The following EDIL3 variants were observed in gnomAD, a reference collection of about 807,000 sequenced individuals.
The protein encoded by EDIL3 is EGF-like repeat and discoidin I-like domain-containing protein 3.
In EDIL3, 37 loss-of-function variants were observed where a neutral mutation model predicts 67.4. That is an observed-to-expected ratio of 0.55 (90% CI 0.42 to 0.72). EDIL3 has a LOEUF of 0.72. Ranked by LOEUF, EDIL3 falls within the 30% of genes least tolerant of loss-of-function variation. EDIL3 has a pLI of 0.00. For synonymous variants in EDIL3, 195 were observed against 196.3 expected (o/e 0.99, Z 0.05); for missense variants, 527 against 586.3 (o/e 0.90, Z 1.04).
chr5:84,009,994 T>C (rs1004269327), intron 9 of EDIL3, among the ~76,000 whole-genome samples: 13 of 152,200 alleles, frequency 8.5e-5, no homozygotes, highest in African/African-American at 3.1e-4. Flanking sequence ...CTTCCTCACT[T>C]CATAAAGGCT....
intron 6 of EDIL3, among the ~76,000 whole-genome samples, chr5:84,101,866 A>G (rs1019834532): frequency 3.9e-5 from 6 of 152,108 alleles, no homozygotes; most frequent in African/African-American, 1.2e-4. Context: ...AGACAAAACA[A>G]AAACAGAAAA....
chr5:84,347,496 C>A (rs1390095756), intron 1 of EDIL3, among the ~76,000 whole-genome samples: 1 of 152,142 alleles, frequency 6.6e-6, no homozygotes. Context: ...TATTGAACTT[C>A]TTAACATAAA....
At chr5:84,014,066 T>C (rs946582557) in intron 9 of EDIL3, among the ~76,000 whole-genome samples, 6 of 152,198 alleles carry the variant, frequency 3.9e-5, no homozygotes, top group African/African-American at 1.4e-4. Flanking sequence ...TTCTATAAAC[T>C]TACTCCTATG....
intron 1 of EDIL3, among the ~76,000 whole-genome samples, chr5:84,374,973 T>C (rs1404545017): frequency 6.6e-6 from 1 of 151,754 alleles, no homozygotes; most frequent in Non-Finnish European, 1.5e-5. Context: ...TATTTCTTTT[T>C]TTTTTTTTTC....
At chr5:84,209,878 T>A (rs1354101306) in intron 3 of EDIL3, among the ~76,000 whole-genome samples, 2 of 152,210 alleles carry the variant, frequency 1.3e-5, no homozygotes, top group African/African-American at 2.4e-5. Context: ...ATTAAGTTAC[T>A]AAACATGATG....
intron 4 of EDIL3, among the ~76,000 whole-genome samples, chr5:84,148,820 A>T (rs2112327719): frequency 6.6e-6 from 1 of 152,166 alleles, no homozygotes; most frequent in Admixed American, 6.6e-5. Context: ...TTTTTATCCC[A>T]TATTTATTGG....
chr5:84,354,807 T>C (rs757887939), intron 1 of EDIL3, among the ~76,000 whole-genome samples: 5 of 152,242 alleles, frequency 3.3e-5, no homozygotes, highest in Non-Finnish European at 1.5e-5. Context: ...TTTTTATACC[T>C]TAACAATCTT....
intron 6 of EDIL3, among the ~76,000 whole-genome samples, chr5:84,100,048 A>G (rs1747333783): frequency 6.6e-6 from 1 of 152,166 alleles, no homozygotes; most frequent in Non-Finnish European, 1.5e-5. Context: ...ACCAGTTAGA[A>G]TGGCGATCAT....
chr5:84,232,522 T>A (rs1405463659), intron 2 of EDIL3, among the ~76,000 whole-genome samples: 1 of 152,158 alleles, frequency 6.6e-6, no homozygotes, highest in African/African-American at 2.4e-5. Flanking sequence ...GTAAGAGTCA[T>A]AGTAATCAGA....
chr5:84,037,183 C>T (rs1182864023), intron 9 of EDIL3, among the ~76,000 whole-genome samples: 2 of 152,184 alleles, frequency 1.3e-5, no homozygotes, highest in Non-Finnish European at 2.9e-5. Flanking sequence ...GACCCACACT[C>T]ACTCATTATC....
At chr5:84,330,813 T>C (rs541689673) in intron 1 of EDIL3, among the ~76,000 whole-genome samples, 1 of 152,300 alleles carries the variant, frequency 6.6e-6, no homozygotes, top group South Asian at 2.1e-4. Flanking sequence ...GTCAGTTCTA[T>C]GCTCCTAGAA....
intron 6 of EDIL3, among the ~76,000 whole-genome samples, chr5:84,082,281 A>G (rs1746984561): frequency 6.6e-6 from 1 of 152,226 alleles, no homozygotes; most frequent in African/African-American, 2.4e-5. Context: ...GATCAATTAA[A>G]CATCAAGACA....
At chr5:84,344,488 T>C (rs1441794384) in intron 1 of EDIL3, among the ~76,000 whole-genome samples, 1 of 152,058 alleles carries the variant, frequency 6.6e-6, no homozygotes, top group Non-Finnish European at 1.5e-5. Flanking sequence ...TTAAACACGT[T>C]ACCAACAATT....
intron 1 of EDIL3, among the ~76,000 whole-genome samples, chr5:84,282,562 C>A (rs1006220406): frequency 2.1e-4 from 32 of 152,106 alleles, no homozygotes; most frequent in Admixed American, 1.7e-3. Flanking sequence ...TTTGCAATTA[C>A]ATTTTAATAT....
chr5:84,132,436 T>C (rs1321388452), intron 5 of EDIL3, among the ~76,000 whole-genome samples: 1 of 106,096 alleles, frequency 9.4e-6, no homozygotes, highest in African/African-American at 3.9e-5. Context: ...TTATATATAA[T>C]ATATATTTTA....
chr5:84,192,693 G>A (rs1369654142), intron 3 of EDIL3, among the ~76,000 whole-genome samples: 1 of 151,970 alleles, frequency 6.6e-6, no homozygotes, highest in Non-Finnish European at 1.5e-5. Flanking sequence ...ACAGTGCTAA[G>A]TACCAGGGTT....
intron 6 of EDIL3, among the ~76,000 whole-genome samples, chr5:84,079,828 A>T (rs1453130273): frequency 6.6e-6 from 1 of 152,100 alleles, no homozygotes; most frequent in Non-Finnish European, 1.5e-5. Flanking sequence ...AGCACAGTTA[A>T]AAAAGTTACA....
intron 9 of EDIL3, among the ~76,000 whole-genome samples, chr5:83,972,814 T>C (rs1744815886): frequency 6.6e-6 from 1 of 152,116 alleles, no homozygotes; most frequent in Non-Finnish European, 1.5e-5. Flanking sequence ...TGTTCTTGTA[T>C]TAAGTCATGA....
chr5:84,309,746 T>A (rs1035080289), intron 1 of EDIL3, among the ~76,000 whole-genome samples: 2 of 152,222 alleles, frequency 1.3e-5, no homozygotes, highest in Non-Finnish European at 2.9e-5. Flanking sequence ...TCGATCATTG[T>A]TGGACATTTG....
Sources: gnomAD v4.1 joint callset for allele counts (sites outside exome capture counted in the v4.1 genomes callset) on GRCh38, gnomAD v4.1.1 for gene constraint, MANE v1.5 for transcripts, NCBI Gene and HGNC (gene_info 2026-07-23, HGNC 2026-07-21) for gene names.